Variants in CDH18 observed in about 807,000 individuals in gnomAD.
CDH18 encodes the protein cadherin 18.
Under a neutral mutation model 67.9 loss-of-function variants are expected in CDH18, and 31 were observed. The observed-to-expected ratio is 0.46, with a 90% confidence interval of 0.34 to 0.62. The LOEUF (loss-of-function observed/expected upper bound fraction) is 0.62. CDH18 is among the 20% of genes least tolerant of loss of function. The pLI, the probability that CDH18 is intolerant of heterozygous loss-of-function variation, is 0.01. For missense variants in CDH18, 890 were observed against 975.5 expected (o/e 0.91, Z 1.17); for synonymous variants, 362 against 347.2 (o/e 1.04, Z -0.48).
At chr5:19,752,999 A>T (rs964809677) in intron 3 of CDH18, among the ~76,000 whole-genome samples, 1 of 152,208 alleles carries the variant, frequency 6.6e-6, no homozygotes, top group African/African-American at 2.4e-5. Context: ...TATGTGAAGG[A>T]AACACCCCAT....
At chr5:19,546,529 A>G (rs2127102724) in intron 8 of CDH18, among the ~76,000 whole-genome samples, 1 of 152,290 alleles carries the variant, frequency 6.6e-6, no homozygotes, top group African/African-American at 2.4e-5. Context: ...CCATTTTAGT[A>G]TGAGGAAAAG....
chr5:19,901,741 C>T (rs1789960235), intron 2 of CDH18, among the ~76,000 whole-genome samples: 1 of 151,830 alleles, frequency 6.6e-6, no homozygotes, highest in South Asian at 2.1e-4. Context: ...AAATGAAACT[C>T]AATATTTATA....
At chr5:19,816,845 AC>A (rs1382766515) in intron 3 of CDH18, among the ~76,000 whole-genome samples, 1 of 151,850 alleles carries the variant, frequency 6.6e-6, no homozygotes, top group Non-Finnish European at 1.5e-5. Flanking sequence ...CCTAGGTCAA[AC>A]AAAATATAAT....
intron 1 of CDH18, among the ~76,000 whole-genome samples, chr5:20,364,921 T>A (rs774594781): frequency 6.6e-6 from 1 of 152,178 alleles, no homozygotes; most frequent in Non-Finnish European, 1.5e-5. Context: ...CAAGAGTACA[T>A]GGGAATTGTT....
intron 1 of CDH18, among the ~76,000 whole-genome samples, chr5:20,454,305 A>G (rs1750683067): frequency 6.6e-6 from 1 of 152,110 alleles, no homozygotes; most frequent in Non-Finnish European, 1.5e-5. Flanking sequence ...TATTTCTGGA[A>G]AGGTATAATT....
intron 8 of CDH18, among the ~76,000 whole-genome samples, chr5:19,561,110 C>G (rs1256665736): frequency 1.3e-5 from 2 of 151,978 alleles, no homozygotes; most frequent in Non-Finnish European, 2.9e-5. Flanking sequence ...AGATTCCTTA[C>G]AGAACTAAAA....
chr5:20,264,153 C>T (rs1025683570), intron 1 of CDH18, among the ~76,000 whole-genome samples: 3 of 151,922 alleles, frequency 2.0e-5, no homozygotes, highest in African/African-American at 4.8e-5. Context: ...GAGTTATTTA[C>T]CTAGTTAGTG....
chr5:19,508,252 T>TAAC (rs1199636325), intron 10 of CDH18, among the ~76,000 whole-genome samples: 1 of 152,116 alleles, frequency 6.6e-6, no homozygotes, highest in Non-Finnish European at 1.5e-5. Flanking sequence ...CCTGGGAACT[T>TAAC]AACATGTTTA....
chr5:20,436,001 T>TA (rs1392079455), intron 1 of CDH18, among the ~76,000 whole-genome samples: 1 of 152,050 alleles, frequency 6.6e-6, no homozygotes, highest in Non-Finnish European at 1.5e-5. Flanking sequence ...AGTTAACTGT[T>TA]ATACATAGAA....
intron 2 of CDH18, among the ~76,000 whole-genome samples, chr5:19,866,703 A>G (rs1171331538): frequency 1.3e-5 from 2 of 152,150 alleles, no homozygotes; most frequent in Non-Finnish European, 2.9e-5. Flanking sequence ...ACAATGATTA[A>G]TATCTCCTCT....
chr5:20,421,412 G>T lies in CDH18; in HGVS notation c.-580+154050C>A, dbSNP rs1417387887. ...CAGATGGAGGGAAGCCTGAGAAAAG[G>T]GAATGAGATGTAACTGTTGGGTGTC... is the stretch of plus-strand genomic sequence containing the variant. On this transcript the variant is annotated intron_variant, in intron 1 of 14. Transcript: ENST00000507958. 4.0e-5 allele frequency among the ~76,000 whole-genome samples: 6 copies of T among 150,538 alleles called. No individual in the cohort carries two copies. The East Asian group carries it at 1.2e-3, about 29-fold the overall frequency.
At chr5:19,999,002 T>C (rs1736231528) in intron 2 of CDH18, among the ~76,000 whole-genome samples, 2 of 152,088 alleles carry the variant, frequency 1.3e-5, no homozygotes, top group South Asian at 2.1e-4. Flanking sequence ...ATCATGGAAT[T>C]CAAGAAAGAA....
chr5:20,328,070 TAAGAG>T (rs1331333119), intron 1 of CDH18, among the ~76,000 whole-genome samples: 2 of 151,718 alleles, frequency 1.3e-5, no homozygotes, highest in Non-Finnish European at 2.9e-5. Context: ...TACGGAGAAA[TAAGAG>T]AAGAGTGATG....
intron 1 of CDH18, among the ~76,000 whole-genome samples, chr5:20,269,611 A>AG: frequency 6.6e-6 from 1 of 152,238 alleles, no homozygotes; most frequent in South Asian, 2.1e-4. Context: ...AAGTGAAACA[A>AG]GCCAGGAACA....
intron 1 of CDH18, among the ~76,000 whole-genome samples, chr5:20,379,044 T>A (rs905105911): frequency 1.1e-4 from 17 of 152,156 alleles, no homozygotes; most frequent in African/African-American, 4.1e-4. Flanking sequence ...CTATGTTTTA[T>A]GGACATTCAC....
chr5:20,095,464 AAAG>A (rs1561786386), intron 2 of CDH18, among the ~76,000 whole-genome samples: 1 of 129,042 alleles, frequency 7.7e-6, no homozygotes, highest in Non-Finnish European at 1.6e-5. Flanking sequence ...AAGAAAGAAG[AAAG>A]AAGGAAGGAA....
chr5:19,921,229 TC>T (rs1328434563), intron 2 of CDH18, among the ~76,000 whole-genome samples: 2 of 151,888 alleles, frequency 1.3e-5, no homozygotes, highest in African/African-American at 4.8e-5. Context: ...TTCAAAAAAT[TC>T]CGTTAAAAAC....
chr5:20,140,895 G>A (rs1750193247), intron 2 of CDH18, among the ~76,000 whole-genome samples: 1 of 152,002 alleles, frequency 6.6e-6, no homozygotes, highest in Non-Finnish European at 1.5e-5. Context: ...CAGACAACTG[G>A]AGGTATTTTC....
chr5:20,013,581 G>C lies in CDH18; in HGVS notation c.-517-21567C>G, dbSNP rs146443743. On this transcript the variant is annotated intron_variant, in intron 2 of 14. Transcript: ENST00000507958. ...TATATATTTATATTGACTGACTAATGTTTTCATGAATTTTATTTATAGGTA... is the reference window on the plus strand; with the variant it reads ...TATATATTTATATTGACTGACTAATCTTTTCATGAATTTTATTTATAGGTA... 4.2e-3 allele frequency among the ~76,000 whole-genome samples: 642 copies of C among 151,920 alleles called. 2 individuals carry two copies. Among genetic ancestry groups the C allele is most frequent in the Non-Finnish European group, 7.3e-3 (498 of 67,900 alleles).
Sources: gnomAD v4.1 joint callset for allele counts (sites outside exome capture counted in the v4.1 genomes callset) on GRCh38, gnomAD v4.1.1 for gene constraint, MANE v1.5 for transcripts, NCBI Gene and HGNC (gene_info 2026-07-23, HGNC 2026-07-21) for gene names.